Variants in RGS12 observed in about 807,000 individuals in gnomAD.
RGS12 encodes regulator of G-protein signaling 12.
In RGS12, 66 loss-of-function variants were observed where a neutral mutation model predicts 120.1. That is an observed-to-expected ratio of 0.55 (90% CI 0.45 to 0.67). The LOEUF is 0.67. RGS12 is among the 30% of genes least tolerant of loss of function. The pLI, the probability that RGS12 is intolerant of heterozygous loss-of-function variation, is 0.00. For missense variants in RGS12, 1,859 were observed against 1,957.7 expected (o/e 0.95, Z 0.95); for synonymous variants, 827 against 804.7 (o/e 1.03, Z -0.47).
In RGS12 at chr4:3,385,866, T is replaced by C. The variant is rs542490603; in HGVS notation, c.1999-550T>C. On this transcript the variant is annotated intron_variant, in intron 3 of 17. Coordinates refer to ENST00000336727, the MANE Select transcript of RGS12 (RefSeq NM_001394154.1). ...TTGGCTCTGGGCTTGACTCCTCTGC[T>C]GCCACCCTGAGTGGTCATTGCGCCT... 22 of 158,106 alleles carry C rather than the reference T, an allele frequency of 1.4e-4. No individual in the cohort carries two copies. The South Asian group carries it at 2.6e-3, about 19-fold the overall frequency. 9.8% of individuals were successfully genotyped at this position (158,106 alleles called of 1,614,324 possible). A position where few individuals can be genotyped will look rare whatever the true frequency, so the allele number is the denominator to read the frequency against.
In RGS12 at chr4:3,366,373, G is replaced by A. The variant is rs1305966020; in HGVS notation, c.1999-20043G>A. Among the ~76,000 whole-genome samples the A allele has an allele frequency of 6.6e-6, 1 of 152,124 alleles. No homozygotes were observed. The highest frequency in any genetic ancestry group is 2.4e-5 in the African/African-American group (1 of 41,424). On this transcript the variant is annotated intron_variant, in intron 3 of 17. Transcript: ENST00000336727. This position sits in a 1 kb window ranked among gnomAD's most constrained non-coding sequence, Gnocchi z 4.0. Reference sequence around the variant, plus strand: ...GCCACACCTGGGCCTTTGGCTTGGCGACCAGAGGCCTCCAGGGTTAAGAGC... The same window carrying A: ...GCCACACCTGGGCCTTTGGCTTGGCAACCAGAGGCCTCCAGGGTTAAGAGC...
At chr4:3,376,545 C>G (rs1287203286) in intron 3 of RGS12, among the ~76,000 whole-genome samples, 1 of 152,246 alleles carries the variant, frequency 6.6e-6, no homozygotes, top group African/African-American at 2.4e-5. Context: ...CACAGGCATG[C>G]ACATGCACTG....
intron 1 of RGS12, among the ~76,000 whole-genome samples, chr4:3,309,361 G>T (rs11935433): frequency 6.2e-4 from 84 of 136,526 alleles, no homozygotes; most frequent in Non-Finnish European, 8.9e-4. Context: ...GCAGGTGTCC[G>T]CTGAGGGGAA....
At position 3,316,682 on chromosome 4, in the gene RGS12, T is replaced by C; in HGVS notation, c.512T>C (p.Leu171Pro). 6.2e-7 allele frequency: 1 copy of C among 1,614,110 alleles called. No homozygotes were observed. Among genetic ancestry groups the C allele is most frequent in the Non-Finnish European group, 8.5e-7 (1 of 1,180,012 alleles). The change falls in exon 2 of 18, where the codon CTT (leucine) becomes CCT (proline). Residue 171 changes from leucine (L) to proline (P), a missense_variant. By Grantham distance (98) the Leu-to-Pro change is moderately conservative. Transcript: ENST00000336727. The stretch of plus-strand genomic sequence containing the variant: ...CCCTTGAAATTGAAACAAAGATCCC[T>C]TTCAGAGTCGGCCGCAACTCGATTT... ...SEPLKLKQRS[L>P]SESAATRFDV...
chr4:3,358,940 TCCTCCC>T (rs1715163248), intron 3 of RGS12, among the ~76,000 whole-genome samples: 1 of 45,312 alleles, frequency 2.2e-5, no homozygotes, highest in African/African-American at 9.5e-5. Context: ...CTCCTCCCCT[TCCTCCC>T]CCTCCCCTTC....
At position 3,317,898 on chromosome 4, in the gene RGS12, G is replaced by A; in HGVS notation, c.1728G>A (p.Met576Ile). The change falls in exon 2 of 18, where the codon ATG (methionine) becomes ATA (isoleucine). Residue 576 changes from methionine (M) to isoleucine (I), a missense_variant. Transcript: ENST00000336727. ...ACTGCGGCACACTGCCCCCTCCTAT[G>A]AGCAAGATCCCCGCAGACCGCTACA... is the stretch of plus-strand genomic sequence containing the variant. ...SINCGTLPPP[M>I]SKIPADRYRV... is the part of the protein sequence containing the mutation. 1 of 1,614,042 alleles carries A rather than the reference G, an allele frequency of 6.2e-7. No individual in the cohort carries two copies. The highest frequency in any genetic ancestry group is 8.5e-7 in the Non-Finnish European group (1 of 1,180,000).
chr4:3,390,601 G>T lies in RGS12; in HGVS notation c.2020+4164G>T, dbSNP rs905976319. On this transcript the variant is annotated intron_variant, in intron 4 of 17. Transcript: ENST00000336727. This position sits in a 1 kb window ranked among gnomAD's most constrained non-coding sequence, Gnocchi z 4.6. ...CTGGGCTGCTCTGCGCGCCTGCCAG[G>T]CTCTTCCAGTGCCTTCACCCAACAC... Among the ~76,000 whole-genome samples, 4 of 152,240 alleles carry T rather than the reference G, an allele frequency of 2.6e-5. No individual in the cohort carries two copies. The highest frequency in any genetic ancestry group is 5.9e-5 in the Non-Finnish European group (4 of 68,040).
intron 3 of RGS12, 21 bp downstream of exon 3, chr4:3,343,074 C>T (rs1713410969): frequency 6.4e-7 from 1 of 1,552,868 alleles, no homozygotes; most frequent in African/African-American, 1.4e-5. Flanking sequence ...TTTCATTTTT[C>T]TTCTTTTCTC....
rs533088433 is a variant in RGS12 at position 3,361,715 on chromosome 4, C to T, written c.1998+18662C>T. On this transcript the variant is annotated intron_variant, in intron 3 of 17. Coordinates refer to ENST00000336727, the MANE Select transcript of RGS12 (RefSeq NM_001394154.1). ...ATAGCTGCTCTGGGAATTGCAGGGG[C>T]GAGTTTTGTTTGTTCTGCAAGGGAG... Among the ~76,000 whole-genome samples, 6 of 152,208 alleles carry T rather than the reference C, an allele frequency of 3.9e-5. No individual in the cohort carries two copies. The South Asian group carries it at 8.3e-4, about 21-fold the overall frequency.
rs577055791 is a variant in RGS12, at chr4:3,334,378, A to G, written c.1882-8559A>G. On this transcript the variant is annotated intron_variant, in intron 2 of 17. Transcript: ENST00000336727. ...AATAGACCATACTTGCATTCCTGAG[A>G]TAAACCTAACTTATGATCATTTTTT... is the stretch of plus-strand genomic sequence containing the variant. 8.8e-4 allele frequency among the ~76,000 whole-genome samples: 134 copies of G among 152,344 alleles called. 1 individual carries two copies. The highest frequency in any genetic ancestry group is 3.1e-3 in the African/African-American group (128 of 41,572).
chr4:3,404,489 C>T (rs1197921176), intron 4 of RGS12, among the ~76,000 whole-genome samples: 2 of 152,262 alleles, frequency 1.3e-5, no homozygotes, highest in East Asian at 3.9e-4. Context: ...GTGGGTCAGT[C>T]GTTCTTAAGC....
chr4:3,357,083 T>G lies in RGS12; in HGVS notation c.1998+14030T>G, dbSNP rs528861628. Among the ~76,000 whole-genome samples the G allele has an allele frequency of 7.4e-4, 113 of 152,250 alleles. 2 individuals carry two copies. Among genetic ancestry groups the G allele is most frequent in the Admixed American group, 3.3e-3 (51 of 15,296 alleles). On this transcript the variant is annotated intron_variant, in intron 3 of 17. Coordinates refer to ENST00000336727, the MANE Select transcript of RGS12 (RefSeq NM_001394154.1). ...TTTTGATAGTAGTCATCCTAGTGAGTGTGAAGTGGTATCTCATTTTTTTGA... is the reference window on the plus strand; with the variant it reads ...TTTTGATAGTAGTCATCCTAGTGAGGGTGAAGTGGTATCTCATTTTTTTGA...
chr4:3,340,818 T>C (rs1421299983), intron 2 of RGS12, among the ~76,000 whole-genome samples: 1 of 151,458 alleles, frequency 6.6e-6, no homozygotes, highest in Non-Finnish European at 1.5e-5. Flanking sequence ...AGGCACGGCG[T>C]GCACGGGGGC....
At chr4:3,386,173 G>C (rs1384540713) in intron 3 of RGS12, 3 of 576,010 alleles carry the variant, frequency 5.2e-6, no homozygotes, top group African/African-American at 1.9e-5. Flanking sequence ...GACATGTTGG[G>C]ATCTGTTCTT....
chr4:3,287,679 G>A, the RGS12 span, among the ~76,000 whole-genome samples: 1 of 152,246 alleles, frequency 6.6e-6, no homozygotes, highest in Admixed American at 6.5e-5. Flanking sequence ...GTAACAATAT[G>A]CTCTATTTAA....
At chr4:3,302,965 T>G (rs1723767953) in intron 1 of RGS12, among the ~76,000 whole-genome samples, 1 of 152,028 alleles carries the variant, frequency 6.6e-6, no homozygotes. Flanking sequence ...GCCCTGGGAG[T>G]TCAGGACCGT....
At position 3,336,997 on chromosome 4, in the gene RGS12, GA is replaced by G. The variant is rs994178851; in HGVS notation, c.1882-5931del. 1.7e-3 allele frequency among the ~76,000 whole-genome samples: 250 copies of G among 150,616 alleles called. 4 individuals are homozygous for G. The East Asian group carries it at 0.022, about 13-fold the overall frequency. ...AGATCCAGTGTGAAACTGTGAAGTA[GA>G]AAAAAAAATGAAGAAAAAGAAAAAT... On this transcript the variant is annotated intron_variant, in intron 2 of 17. Coordinates refer to ENST00000336727, the MANE Select transcript of RGS12 (RefSeq NM_001394154.1).
At chr4:3,386,082 T>G in intron 3 of RGS12, 1 of 335,876 alleles carries the variant, frequency 3.0e-6, no homozygotes, top group Non-Finnish European at 5.4e-6. Context: ...GCCCCCAGTG[T>G]GTGTGTCACT....
intron 13 of RGS12, among the ~76,000 whole-genome samples, chr4:3,424,224 C>T (rs1214268323): frequency 2.6e-5 from 4 of 152,364 alleles, no homozygotes; most frequent in Non-Finnish European, 5.9e-5. Flanking sequence ...TGCTCTGGAG[C>T]GTGGGGGTTC....
Sources: gnomAD v4.1 joint callset for allele counts (sites outside exome capture counted in the v4.1 genomes callset) on GRCh38, gnomAD v4.1.1 for gene constraint, Gnocchi (gnomAD v3.1) non-coding constraint, MANE v1.5 for transcripts, NCBI Gene and HGNC (gene_info 2026-07-23, HGNC 2026-07-21) for gene names.